TBC1D4: variants seen among roughly 807,000 people sequenced by gnomAD.
TBC1D4 encodes the protein TBC1 domain family member 4.
A neutral mutation model predicts 142.5 loss-of-function variants in TBC1D4; 121 were observed. The observed-to-expected ratio is 0.85, with a 90% CI of 0.73 to 0.99. The LOEUF (loss-of-function observed/expected upper bound fraction) is 0.99. Among genes scored for constraint, TBC1D4 ranks in the 50% least tolerant of loss-of-function variants. The pLI is 0.00. For synonymous variants in TBC1D4, 630 were observed against 628.2 expected, an observed-to-expected ratio of 1.00 and a Z score of -0.04; for missense variants, 1,475 against 1,606.6, an observed-to-expected ratio of 0.92 and a Z score of 1.40.
intron 18 of TBC1D4, among the ~76,000 whole-genome samples, chr13:75,293,962 C>T (rs1042934984): frequency 2.0e-5 from 3 of 152,124 alleles, no homozygotes; most frequent in African/African-American, 7.2e-5. Context: ...AACAGAAGTG[C>T]AGTTGTGAGT....
At chr13:75,432,065 A>G (rs1057425534) in intron 1 of TBC1D4, among the ~76,000 whole-genome samples, 1 of 152,254 alleles carries the variant, frequency 6.6e-6, no homozygotes, top group African/African-American at 2.4e-5. Flanking sequence ...GGTGAAAAGT[A>G]ACAGACACCC....
At chr13:75,331,056 A>G (rs1879701031) in intron 8 of TBC1D4, among the ~76,000 whole-genome samples, 1 of 152,220 alleles carries the variant, frequency 6.6e-6, no homozygotes, top group African/African-American at 2.4e-5. Context: ...TACCCACACA[A>G]GCTTTTTTTG....
intron 1 of TBC1D4, among the ~76,000 whole-genome samples, chr13:75,449,089 T>TCACA (rs2138231243): frequency 6.6e-6 from 1 of 151,998 alleles, no homozygotes; most frequent in Admixed American, 6.6e-5. Context: ...TATATATCAA[T>TCACA]CACACTTACA....
At chr13:75,340,967 C>A (rs111917348) in intron 7 of TBC1D4, among the ~76,000 whole-genome samples, 158 bp downstream of exon 7, 2 of 132,866 alleles carry the variant, frequency 1.5e-5, no homozygotes, top group Admixed American at 8.4e-5. Flanking sequence ...AACAAAAAAA[C>A]CTATAAAACT....
intron 1 of TBC1D4, among the ~76,000 whole-genome samples, chr13:75,448,065 A>C (rs1370604704): frequency 6.6e-6 from 1 of 152,190 alleles, no homozygotes; most frequent in Non-Finnish European, 1.5e-5. Flanking sequence ...CAGTCCACAG[A>C]AAAATTATCT....
chr13:75,464,386 C>A (rs1399648905), intron 1 of TBC1D4, among the ~76,000 whole-genome samples: 1 of 152,254 alleles, frequency 6.6e-6, no homozygotes. Context: ...TGAGCATGAG[C>A]AATCTGTGCC....
chr13:75,437,145 G>C (rs1013543359), intron 1 of TBC1D4, among the ~76,000 whole-genome samples: 1 of 152,126 alleles, frequency 6.6e-6, no homozygotes, highest in Non-Finnish European at 1.5e-5. Context: ...CAGATCCTAG[G>C]CCTAAAGGGG....
Position 75,362,589 on chromosome 13 carries a change from T to A in TBC1D4, c.517A>T (p.Ser173Cys). The change falls in exon 2 of 21, where the codon AGC (serine) becomes TGC (cysteine). Residue 173 changes from serine to cysteine, a missense_variant. Ser to Cys is a moderately radical substitution (Grantham distance 112). This residue lies in a region of TBC1D4 where 1,227 missense variants were observed against 1,267.7 expected (regional missense o/e 0.97). Transcript: ENST00000377636. The surrounding 1 kb of genome is among the most constrained non-coding windows in gnomAD (Gnocchi z 4.2). Reference protein sequence around the residue: ...DPSQVPDVISSIRQLSKAAMK... With the variant: ...DPSQVPDVISCIRQLSKAAMK... ...GCCGCTTTAGATAATTGCCTTATGC[T>A]GCTAATAACATCAGGAACCTGGGGG... 1 of 1,614,086 alleles carries A rather than the reference T, an allele frequency of 6.2e-7. No homozygotes were observed. The highest frequency in any genetic ancestry group is 8.5e-7 in the Non-Finnish European group (1 of 1,179,960).
Position 75,452,295 on chromosome 13 carries a change from C to A in TBC1D4, c.498+28975G>T, listed in dbSNP as rs565439431. ...CCTCCATAGTAAATAAAGATACTAT[C>A]TTGGAGTTTATGACCAAAAATAACC... On this transcript the variant is annotated intron_variant, in intron 1 of 20. Coordinates refer to ENST00000377636, the MANE Select transcript of TBC1D4 (RefSeq NM_014832.5). Among the ~76,000 whole-genome samples, 9 of 152,236 alleles carry A rather than the reference C, an allele frequency of 5.9e-5. No individual in the cohort carries two copies. The South Asian group carries it at 1.4e-3, about 25-fold the overall frequency.
chr13:75,404,899 C>T (rs1885255862), intron 1 of TBC1D4, among the ~76,000 whole-genome samples: 1 of 152,144 alleles, frequency 6.6e-6, no homozygotes, highest in Non-Finnish European at 1.5e-5. Flanking sequence ...GTTACACTTG[C>T]CCACCAGCTG....
At chr13:75,388,315 A>T (rs1008158094) in intron 1 of TBC1D4, among the ~76,000 whole-genome samples, 1 of 152,192 alleles carries the variant, frequency 6.6e-6, no homozygotes, top group African/African-American at 2.4e-5. Context: ...GCACATATTT[A>T]AGGGGCCATA....
At chr13:75,478,598 GTC>G (rs1473524058) in intron 1 of TBC1D4, among the ~76,000 whole-genome samples, 4 of 152,072 alleles carry the variant, frequency 2.6e-5, no homozygotes, top group Non-Finnish European at 5.9e-5. Flanking sequence ...CAAACAGCAG[GTC>G]TTCCTTCTGA....
In TBC1D4 at chr13:75,452,649, T is replaced by C. The variant is rs150889385; in HGVS notation, c.498+28621A>G. Among the ~76,000 whole-genome samples, 412 of 152,294 alleles carry C rather than the reference T, an allele frequency of 2.7e-3. 2 individuals carry two copies. Among genetic ancestry groups the C allele is most frequent in the African/African-American group, 9.2e-3 (384 of 41,554 alleles). On this transcript the variant is annotated intron_variant, in intron 1 of 20. Transcript: ENST00000377636. ...CCATTGCATAACCATTCCACAGAAG[T>C]TTTTACAAATTGCCGTAAGTGATTT... is the stretch of plus-strand genomic sequence containing the variant.
At chr13:75,297,045 A>G (rs1876004964) in intron 17 of TBC1D4, among the ~76,000 whole-genome samples, 1 of 152,190 alleles carries the variant, frequency 6.6e-6, no homozygotes, top group East Asian at 1.9e-4. Flanking sequence ...CCTGCTCTAG[A>G]AAGTGGAAAA....
intron 1 of TBC1D4, among the ~76,000 whole-genome samples, chr13:75,390,236 C>T (rs566506598): frequency 1.6e-4 from 23 of 141,660 alleles, no homozygotes; most frequent in African/African-American, 5.1e-4. Context: ...GCCAAGATCG[C>T]GCCACTGCAC....
At chr13:75,364,150 T>G (rs2138182881) in intron 1 of TBC1D4, among the ~76,000 whole-genome samples, 1 of 152,314 alleles carries the variant, frequency 6.6e-6, no homozygotes, top group Admixed American at 6.5e-5. Flanking sequence ...ATTTCCTGAT[T>G]GGCAATTGGT....
intron 1 of TBC1D4, among the ~76,000 whole-genome samples, chr13:75,410,183 T>C (rs1593855828): frequency 6.6e-6 from 1 of 152,304 alleles, no homozygotes; most frequent in Non-Finnish European, 1.5e-5. Flanking sequence ...CTATGTTTGA[T>C]ATATTCACAT....
chr13:75,322,791 T>C (rs1444061293), intron 11 of TBC1D4, among the ~76,000 whole-genome samples: 1 of 152,232 alleles, frequency 6.6e-6, no homozygotes, highest in Non-Finnish European at 1.5e-5. Flanking sequence ...TATCTTTATG[T>C]ATATTCTTGG....
In TBC1D4 at chr13:75,362,734, C is replaced by CA; in HGVS notation, c.499-128dup. The CA allele has an allele frequency of 1.0e-6, 1 of 956,318 alleles. No individual in the cohort carries two copies. Among genetic ancestry groups the CA allele is most frequent in the Non-Finnish European group, 1.6e-6 (1 of 631,222 alleles). 59.2% of individuals were successfully genotyped at this position (956,318 alleles called of 1,614,324 possible). On this transcript the variant is annotated intron_variant, in intron 1 of 20. Transcript: ENST00000377636. The surrounding 1 kb of genome is among the most constrained non-coding windows in gnomAD (Gnocchi z 4.2). Reference sequence around the variant, plus strand: ...ATAATATACAAAGTAATAGACACTACACGAGACAGAGCATACACTTACATT... The same window carrying CA: ...ATAATATACAAAGTAATAGACACTACAACGAGACAGAGCATACACTTACATT...
Sources: allele counts gnomAD v4.1 joint callset (sites outside exome capture counted in the v4.1 genomes callset), GRCh38; gene constraint gnomAD v4.1.1; regional missense constraint gnomAD v4.1.1; non-coding constraint Gnocchi (gnomAD v3.1); transcripts MANE v1.5; gene names NCBI Gene and HGNC (gene_info 2026-07-23, HGNC 2026-07-21).